Variants in POU6F2 observed in about 807,000 individuals in gnomAD.
POU6F2 encodes POU domain, class 6, transcription factor 2.
In POU6F2, 31 loss-of-function variants were observed where a neutral mutation model predicts 71.3. The ratio of observed to expected loss-of-function variants is 0.43; its 90% CI spans 0.33 to 0.59. POU6F2 has a LOEUF of 0.59. Ranked by LOEUF, POU6F2 falls within the 20% of genes least tolerant of loss-of-function variation. The probability of loss-of-function intolerance (pLI) is 0.04; values close to 1 mark genes in which losing one functional copy is unlikely to be tolerated. For missense variants in POU6F2, 783 were observed against 856.8 expected, an observed-to-expected ratio of 0.91 and a Z score of 1.07; for synonymous variants, 347 against 355.7, an observed-to-expected ratio of 0.98 and a Z score of 0.27.
chr7:39,020,319 A>G (rs1192385843), intron 1 of POU6F2, among the ~76,000 whole-genome samples: 4 of 152,220 alleles, frequency 2.6e-5, no homozygotes, highest in Non-Finnish European at 1.5e-5. Flanking sequence ...ATACTCAAAT[A>G]TCTACTTCAA....
At chr7:39,204,112 G>A in intron 2 of POU6F2, 123 bp from the exon 3 acceptor site, 1 of 814,436 alleles carries the variant, frequency 1.2e-6, no homozygotes, top group South Asian at 1.5e-5. Context: ...CAGTTGATAA[G>A]TGATTTGAGC....
chr7:39,024,244 A>C (rs1163983752), intron 1 of POU6F2, among the ~76,000 whole-genome samples: 4 of 151,736 alleles, frequency 2.6e-5, no homozygotes, highest in Non-Finnish European at 5.9e-5. Context: ...TGGATTCCTA[A>C]GTATTTTATT....
chr7:39,298,861 A>C (rs1414641640), intron 4 of POU6F2, among the ~76,000 whole-genome samples: 1 of 152,236 alleles, frequency 6.6e-6, no homozygotes, highest in Non-Finnish European at 1.5e-5. Flanking sequence ...TTGCAGGGAC[A>C]TGGATGAAGC....
intron 5 of POU6F2, among the ~76,000 whole-genome samples, chr7:39,403,711 G>A (rs1787353997): frequency 6.6e-6 from 1 of 152,200 alleles, no homozygotes. Flanking sequence ...GAGGTGATGA[G>A]AAGAACACGT....
At chr7:39,340,104 C>T in intron 5 of POU6F2, 89 bp downstream of exon 5, 1 of 1,023,394 alleles carries the variant, frequency 9.8e-7, no homozygotes, top group Non-Finnish European at 1.4e-6. Flanking sequence ...AGGGACCACA[C>T]AAAACTTAGC....
At chr7:39,154,930 T>G (rs966178391) in intron 2 of POU6F2, among the ~76,000 whole-genome samples, 1 of 152,182 alleles carries the variant, frequency 6.6e-6, no homozygotes, top group Non-Finnish European at 1.5e-5. Context: ...GTTCAACTGA[T>G]ACTATGTGCT....
At chr7:39,316,601 T>C (rs529427331) in intron 4 of POU6F2, among the ~76,000 whole-genome samples, 4 of 152,326 alleles carry the variant, frequency 2.6e-5, no homozygotes, top group African/African-American at 9.6e-5. Flanking sequence ...TTCTTTGTGC[T>C]ATGTTCCATA....
chr7:39,069,984 G>A (rs1790841083), intron 1 of POU6F2, among the ~76,000 whole-genome samples: 1 of 152,082 alleles, frequency 6.6e-6, no homozygotes, highest in African/African-American at 2.4e-5. Flanking sequence ...AGACTGCGCT[G>A]GGAGCTAGTC....
At chr7:39,353,820 G>A (rs973585049) in intron 5 of POU6F2, among the ~76,000 whole-genome samples, 2 of 152,140 alleles carry the variant, frequency 1.3e-5, no homozygotes, top group Non-Finnish European at 2.9e-5. Context: ...TCTTTTACTC[G>A]GAAATTTATC....
chr7:39,218,212 G>T (rs1326311660), intron 4 of POU6F2, among the ~76,000 whole-genome samples: 2 of 152,062 alleles, frequency 1.3e-5, no homozygotes, highest in African/African-American at 4.8e-5. Context: ...GCCTAAAAAA[G>T]GAAAAGACTG....
chr7:38,978,534 T>C (rs1346793621), intron 1 of POU6F2, among the ~76,000 whole-genome samples: 1 of 152,164 alleles, frequency 6.6e-6, no homozygotes, highest in African/African-American at 2.4e-5. Context: ...AATATATAAA[T>C]ACATGTGCCT....
Position 39,412,778 on chromosome 7 carries a change from C to CTTTTTTTTTTTTTT in POU6F2, c.1113+6066_1113+6079dup, listed in dbSNP as rs1166811956. ...TCCGTATTAGCTTCAGTTTTCTTGC[C>CTTTTTTTTTTTTTT]TTTTTTTTTTTTTTTTTTTTTTTTT... is the stretch of plus-strand genomic sequence containing the variant. On this transcript the variant is annotated intron_variant, in intron 6 of 9. Transcript: ENST00000518318. Among the ~76,000 whole-genome samples the CTTTTTTTTTTTTTT allele has an allele frequency of 7.3e-4, 17 of 23,192 alleles. 7 individuals carry two copies. Among genetic ancestry groups the CTTTTTTTTTTTTTT allele is most frequent in the Non-Finnish European group, 1.3e-3 (12 of 9,474 alleles). 15.2% of individuals were successfully genotyped at this position (23,192 alleles called of 152,430 possible). A position where few individuals can be genotyped will look rare whatever the true frequency, so the allele number is the denominator to read the frequency against.
Position 39,127,133 on chromosome 7 carries a change from T to C in POU6F2, c.277+41102T>C, listed in dbSNP as rs192397112. Among the ~76,000 whole-genome samples the C allele has an allele frequency of 3.1e-4, 47 of 152,336 alleles. No homozygotes were observed. The East Asian group carries it at 8.9e-3, about 29-fold the overall frequency. On this transcript the variant is annotated intron_variant, in intron 2 of 9. Coordinates refer to ENST00000518318, the MANE Select transcript of POU6F2 (RefSeq NM_001370959.1). The stretch of plus-strand genomic sequence containing the variant: ...AAATGTAAAGATTATTAGTGAGATA[T>C]TTTACATTCTCTTTTGTACTTGGTC...
intron 2 of POU6F2, among the ~76,000 whole-genome samples, chr7:39,140,897 G>A (rs772103081): frequency 1.3e-5 from 2 of 152,148 alleles, no homozygotes; most frequent in African/African-American, 2.4e-5. Context: ...AGGTGGGCTC[G>A]AGGGTCAGGA....
chr7:39,341,421 G>T (rs562796348), intron 5 of POU6F2, among the ~76,000 whole-genome samples: 2 of 152,238 alleles, frequency 1.3e-5, no homozygotes, highest in South Asian at 4.2e-4. Flanking sequence ...GGACTAAAAT[G>T]AACATGGTCC....
chr7:39,356,271 C>G (rs1325487350), intron 5 of POU6F2, among the ~76,000 whole-genome samples: 1 of 152,162 alleles, frequency 6.6e-6, no homozygotes, highest in Non-Finnish European at 1.5e-5. Context: ...ACTCCCTCTG[C>G]CACATTCACC....
chr7:39,331,221 T>C (rs1277540908), intron 4 of POU6F2, among the ~76,000 whole-genome samples: 1 of 152,234 alleles, frequency 6.6e-6, no homozygotes, highest in Non-Finnish European at 1.5e-5. Flanking sequence ...CTGTTGTGAA[T>C]AGTGCTGCAG....
At chr7:38,990,724 C>T (rs1349634158) in intron 1 of POU6F2, among the ~76,000 whole-genome samples, 1 of 152,102 alleles carries the variant, frequency 6.6e-6, no homozygotes, top group Non-Finnish European at 1.5e-5. Context: ...CCTCTCCACA[C>T]CTGCATCCCT....
intron 5 of POU6F2, among the ~76,000 whole-genome samples, chr7:39,384,776 C>T (rs561258038): frequency 1.3e-5 from 2 of 152,316 alleles, no homozygotes; most frequent in South Asian, 4.1e-4. Context: ...TTCCCACTAC[C>T]TAATATTGCC....
Sources: allele counts gnomAD v4.1 joint callset (sites outside exome capture counted in the v4.1 genomes callset), GRCh38; gene constraint gnomAD v4.1.1; transcripts MANE v1.5; gene names NCBI Gene and HGNC (gene_info 2026-07-23, HGNC 2026-07-21).